Variants in EPB41L1 observed in about 807,000 individuals in gnomAD.
The protein encoded by EPB41L1 is erythrocyte membrane protein band 4.1 like 1.
Under a neutral mutation model 97.8 loss-of-function variants are expected in EPB41L1, and 29 were observed. That is an observed-to-expected ratio of 0.30 (90% CI 0.22 to 0.40). The LOEUF (loss-of-function observed/expected upper bound fraction) is 0.40, where lower values mean the gene tolerates loss of function less well. Among genes scored for constraint, EPB41L1 ranks in the 10% least tolerant of loss-of-function variants. The pLI is 1.00. For synonymous variants in EPB41L1, 383 were observed against 459.2 expected (o/e 0.83, Z 2.12); for missense variants, 812 against 1,162.3 (o/e 0.70, Z 4.38).
chr20:36,169,754 C>G lies in EPB41L1; in HGVS notation c.-14-4010C>G, dbSNP rs576790232. Among the ~76,000 whole-genome samples the G allele has an allele frequency of 6.4e-4, 98 of 152,340 alleles. 2 individuals carry two copies. The highest frequency in any genetic ancestry group is 1.5e-4 in the Non-Finnish European group (10 of 68,024). ...ACACCTAATTCCACCTTCACCTCCC[C>G]ACCCTAGAAGCTTCCTTTGGGAACT... On this transcript the variant is annotated intron_variant, in intron 1 of 21. Transcript: ENST00000338074.
intron 3 of EPB41L1, among the ~76,000 whole-genome samples, chr20:36,176,402 T>TA (rs1488074506): frequency 6.6e-6 from 1 of 152,192 alleles, no homozygotes; most frequent in Non-Finnish European, 1.5e-5. Flanking sequence ...TGTGAGCCCT[T>TA]AGAGGTTCTA....
In EPB41L1 at chr20:36,127,670, G is replaced by A. The variant is rs542423323; in HGVS notation, c.-10+15190G>A. ...GGCAGGTCTCTTCTCCCTGGGCCTC[G>A]GTTTCCCTACCTGTAAAAATGAAGG... is the stretch of plus-strand genomic sequence containing the variant. On this transcript the variant is annotated intron_variant, in intron 2 of 19. Transcript: ENST00000202028. Among the ~76,000 whole-genome samples the A allele has an allele frequency of 3.5e-4, 53 of 152,184 alleles. No individual in the cohort carries two copies. The South Asian group carries it at 3.7e-3, about 11-fold the overall frequency.
intron 2 of EPB41L1, chr20:36,121,537 G>A (rs547592678): frequency 6.6e-6 from 1 of 152,424 alleles, no homozygotes; most frequent in South Asian, 2.1e-4. Flanking sequence ...ACCAAAAGGG[G>A]AGATGAGAAC....
chr20:36,097,206 C>T (rs945257511), intron 1 of EPB41L1, among the ~76,000 whole-genome samples: 4 of 152,208 alleles, frequency 2.6e-5, no homozygotes, highest in Admixed American at 2.6e-4. Context: ...CCCCTTTTGG[C>T]ACGTGTCCAT....
intron 7 of EPB41L1, among the ~76,000 whole-genome samples, chr20:36,186,991 C>G (rs973690371): frequency 2.0e-5 from 3 of 152,184 alleles, no homozygotes; most frequent in African/African-American, 4.8e-5. Flanking sequence ...TACTCAATGT[C>G]TCTGTGCCGG....
rs1024448843 is a variant in EPB41L1, at chr20:36,207,355, G to A, written c.1669-2133G>A. On this transcript the variant is annotated intron_variant, in intron 14 of 21. Coordinates refer to ENST00000338074, the MANE Select transcript of EPB41L1 (RefSeq NM_012156.2). This position sits in a 1 kb window ranked among gnomAD's most constrained non-coding sequence, Gnocchi z 4.9. ...TGAGGGGCGCATACCTCTGGGGTTT[G>A]GGTTCCCTTCAGGGAAGCGAAGGGA... 7.8e-7 allele frequency: 1 copy of A among 1,288,520 alleles called. No homozygotes were observed. The highest frequency in any genetic ancestry group is 1.0e-6 in the Non-Finnish European group (1 of 988,064). 79.8% of individuals were successfully genotyped at this position (1,288,520 alleles called of 1,614,324 possible).
At position 36,173,862 on chromosome 20, in the gene EPB41L1, AC is replaced by A; in HGVS notation, c.87del (p.Thr30ProfsTer3). 1 of 1,613,814 alleles carries A rather than the reference AC, an allele frequency of 6.2e-7. No homozygotes were observed. The highest frequency in any genetic ancestry group is 8.5e-7 in the Non-Finnish European group (1 of 1,179,890). ...GCAGCCCGAGGCTGCTGCCGCTGTG[AC>A]CACCCCTGTGACCCCTGCAGGCCAC... ...PQQPEAAAAV[T>X]TPVTPAGHGH... is the part of the protein sequence containing the mutation. On this transcript the variant is annotated frameshift_variant, in exon 2 of 22. Coordinates refer to ENST00000338074, the MANE Select transcript of EPB41L1 (RefSeq NM_012156.2). LOFTEE classifies it high-confidence loss of function.
At chr20:36,185,442 C>G in intron 7 of EPB41L1, 107 bp downstream of exon 7, 1 of 1,016,090 alleles carries the variant, frequency 9.8e-7, no homozygotes, top group East Asian at 2.6e-5. Context: ...TTGTACCCCG[C>G]CTGGCTCTGC....
intron 1 of EPB41L1, among the ~76,000 whole-genome samples, chr20:36,164,671 T>TTTTA (rs938976000): frequency 6.6e-6 from 1 of 152,092 alleles, no homozygotes. Context: ...AATATTCACT[T>TTTTA]TTTATTTATT....
Position 36,209,995 on chromosome 20 carries a change from C to A in EPB41L1, c.2079+97C>A. The A allele has an allele frequency of 6.9e-7, 1 of 1,444,350 alleles. No homozygotes were observed. Among genetic ancestry groups the A allele is most frequent in the Non-Finnish European group, 9.5e-7 (1 of 1,056,156 alleles). 89.5% of individuals were successfully genotyped at this position (1,444,350 alleles called of 1,614,324 possible). On this transcript the variant is annotated intron_variant, in intron 15 of 21. Coordinates refer to ENST00000338074, the MANE Select transcript of EPB41L1 (RefSeq NM_012156.2). This position sits in a 1 kb window ranked among gnomAD's most constrained non-coding sequence, Gnocchi z 4.2. ...AGAAGACCGAGCACCCAGCCTGCAG[C>A]CTGAAGCTCTGTCTCGTGTTGCATG...
At chr20:36,158,648 C>CA (rs2060410433) in intron 1 of EPB41L1, among the ~76,000 whole-genome samples, 1 of 152,298 alleles carries the variant, frequency 6.6e-6, no homozygotes, top group East Asian at 1.9e-4. Context: ...AGGCTATAGT[C>CA]ACAGCAATGC....
chr20:36,138,525 G>A (rs1014017422), intron 2 of EPB41L1, among the ~76,000 whole-genome samples: 3 of 152,178 alleles, frequency 2.0e-5, no homozygotes, highest in Non-Finnish European at 4.4e-5. Flanking sequence ...GCCTCCCAAA[G>A]TGCTGGGATC....
At chr20:36,215,689 T>G (rs2063400575) in intron 17 of EPB41L1, among the ~76,000 whole-genome samples, 1 of 152,232 alleles carries the variant, frequency 6.6e-6, no homozygotes, top group South Asian at 2.1e-4. Flanking sequence ...CAGGCACTTA[T>G]ACCATTCATT....
In EPB41L1 at chr20:36,209,969, G is replaced by T; in HGVS notation, c.2079+71G>T. On this transcript the variant is annotated intron_variant, in intron 15 of 21. Coordinates refer to ENST00000338074, the MANE Select transcript of EPB41L1 (RefSeq NM_012156.2). This position sits in a 1 kb window ranked among gnomAD's most constrained non-coding sequence, Gnocchi z 4.2. Reference sequence around the variant, plus strand: ...GCTCAGAGGGCCCTGGGCCACCCGTGAGAAGACCGAGCACCCAGCCTGCAG... The same window carrying T: ...GCTCAGAGGGCCCTGGGCCACCCGTTAGAAGACCGAGCACCCAGCCTGCAG... The T allele has an allele frequency of 2.6e-6, 4 of 1,560,736 alleles. No homozygotes were observed. The South Asian group carries it at 3.5e-5, about 14-fold the overall frequency.
At chr20:36,127,935 C>A (rs2147730361) in intron 2 of EPB41L1, among the ~76,000 whole-genome samples, 1 of 152,276 alleles carries the variant, frequency 6.6e-6, no homozygotes, top group South Asian at 2.1e-4. Flanking sequence ...GCCCTACATC[C>A]TGCAACCCCT....
In EPB41L1 at chr20:36,231,958, C is replaced by T. The variant is rs1363544435; in HGVS notation, c.*2618C>T. On this transcript the variant is annotated 3_prime_UTR_variant, in exon 22 of 22. Transcript: ENST00000338074. ...AGTCCTGAGCACACTGAACACACCTCAGAGGGAGGATCCTTGTTGTGGATT... is the reference window on the plus strand; with the variant it reads ...AGTCCTGAGCACACTGAACACACCTTAGAGGGAGGATCCTTGTTGTGGATT... The T allele has an allele frequency of 6.5e-6, 1 of 153,052 alleles. No individual in the cohort carries two copies. The highest frequency in any genetic ancestry group is 1.5e-5 in the Non-Finnish European group (1 of 68,250). 9.5% of individuals were successfully genotyped at this position (153,052 alleles called of 1,614,324 possible).
At chr20:36,104,215 A>C (rs1452991189) in intron 1 of EPB41L1, among the ~76,000 whole-genome samples, 1 of 152,154 alleles carries the variant, frequency 6.6e-6, no homozygotes, top group African/African-American at 2.4e-5. Flanking sequence ...TAGAGGTGAC[A>C]ACAGGCTAGA....
chr20:36,169,127 G>A (rs985258118), intron 1 of EPB41L1, among the ~76,000 whole-genome samples: 3 of 151,592 alleles, frequency 2.0e-5, no homozygotes, highest in African/African-American at 7.3e-5. Context: ...TCGGGAGGCT[G>A]AGGTAGGAGA....
intron 6 of EPB41L1, among the ~76,000 whole-genome samples, chr20:36,182,635 C>T (rs559267249): frequency 6.6e-6 from 1 of 152,250 alleles, no homozygotes; most frequent in East Asian, 1.9e-4. Flanking sequence ...AAAACAGTTG[C>T]TGTTCCCCTC....
Sources: allele counts gnomAD v4.1 joint callset (sites outside exome capture counted in the v4.1 genomes callset), GRCh38; gene constraint gnomAD v4.1.1; non-coding constraint Gnocchi (gnomAD v3.1); transcripts MANE v1.5; gene names NCBI Gene and HGNC (gene_info 2026-07-23, HGNC 2026-07-21).